FADS6: variants seen among roughly 807,000 people sequenced by gnomAD.
FADS6 encodes fatty acid desaturase 6.
A neutral mutation model predicts 31.7 loss-of-function variants in FADS6; 28 were observed. That is an observed-to-expected ratio of 0.88 (90% CI 0.66 to 1.21). The LOEUF (loss-of-function observed/expected upper bound fraction) is 1.21, where lower values mean the gene tolerates loss of function less well. Among genes scored for constraint, FADS6 ranks in the 50% most tolerant of loss-of-function variants. The pLI, the probability that FADS6 is intolerant of heterozygous loss-of-function variation, is 0.00. For synonymous variants in FADS6, 191 were observed against 213.1 expected, an observed-to-expected ratio of 0.90 and a Z score of 0.90; for missense variants, 494 against 504.2, an observed-to-expected ratio of 0.98 and a Z score of 0.19.
intron 2 of FADS6, 43 bp downstream of exon 2, chr17:74,892,480 A>G (rs763584620): frequency 4.4e-6 from 7 of 1,583,242 alleles, no homozygotes; most frequent in South Asian, 2.3e-5. Flanking sequence ...AGGCTGCCAC[A>G]CGGTCCCAGC....
At chr17:74,890,863 G>A (rs1317241155) in intron 2 of FADS6, among the ~76,000 whole-genome samples, 1 of 152,178 alleles carries the variant, frequency 6.6e-6, no homozygotes, top group Non-Finnish European at 1.5e-5. Context: ...TAGCTATGGT[G>A]TGGGTGTAAC....
At position 74,892,000 on chromosome 17, in the gene FADS6, G is replaced by A. The variant is rs538216; in HGVS notation, c.411+523C>T. Among the ~76,000 whole-genome samples the A allele has an allele frequency of 3.9e-5, 6 of 152,240 alleles. No homozygotes were observed. The South Asian group carries it at 8.3e-4, about 21-fold the overall frequency. On this transcript the variant is annotated intron_variant, in intron 2 of 5. Transcript: ENST00000612771. ...GGTCGAAACTTTTGCCTTCCTGGGC[G>A]TGCCCGAAGGTAAGAAGGCCAAGGT...
chr17:74,885,302 CAAA>C (rs1197186899), intron 2 of FADS6, among the ~76,000 whole-genome samples: 10 of 126,488 alleles, frequency 7.9e-5, no homozygotes, highest in African/African-American at 2.7e-4. Context: ...AAGAAAACCA[CAAA>C]AAAAAAAAAT....
In FADS6 at chr17:74,878,154, C is replaced by T. The variant is rs149920976; in HGVS notation, c.*177G>A. 14,948 of 1,423,004 alleles carry T rather than the reference C, an allele frequency of 0.011. 115 individuals carry two copies. The highest frequency in any genetic ancestry group is 0.012 in the Non-Finnish European group (13,262 of 1,093,598). 88.1% of individuals were successfully genotyped at this position (1,423,004 alleles called of 1,614,324 possible). On this transcript the variant is annotated 3_prime_UTR_variant, in exon 6 of 6. Coordinates refer to ENST00000612771, the MANE Select transcript of FADS6 (RefSeq NM_178128.6). ...ACACCCCTCAAAACCCAGAAAAGCA[C>T]GCAAGGCAGGTGGCCCCCAGACCCC...
At chr17:74,891,526 T>C (rs2038688894) in intron 2 of FADS6, among the ~76,000 whole-genome samples, 1 of 151,904 alleles carries the variant, frequency 6.6e-6, no homozygotes, top group South Asian at 2.1e-4. Context: ...GGACTAATGC[T>C]CAGGGCTCCG....
At chr17:74,885,657 A>T (rs1171911923) in intron 2 of FADS6, among the ~76,000 whole-genome samples, 1 of 151,790 alleles carries the variant, frequency 6.6e-6, no homozygotes, top group Non-Finnish European at 1.5e-5. Flanking sequence ...TACCACCCAG[A>T]CAACCACCAC....
downstream of FADS6, among the ~76,000 whole-genome samples, chr17:74,875,759 C>G (rs1211412709): frequency 1.3e-5 from 2 of 152,222 alleles, no homozygotes; most frequent in African/African-American, 2.4e-5. Context: ...TTCCAAGGAG[C>G]AGCAATAACA....
At chr17:74,890,829 C>T (rs1323730324) in intron 2 of FADS6, among the ~76,000 whole-genome samples, 1 of 152,112 alleles carries the variant, frequency 6.6e-6, no homozygotes, top group Non-Finnish European at 1.5e-5. Flanking sequence ...TCCTTGGCCT[C>T]CTGCATTCAT....
rs1290638079 is a variant in FADS6, at chr17:74,893,284, C to A, written c.244+68G>T. ...ACGGCTGCTGTTGCAGACCCCGCGC[C>A]GCCACCTCCGCCGCACCCCGCCCCC... is the stretch of plus-strand genomic sequence containing the variant. On this transcript the variant is annotated intron_variant, in intron 1 of 5. Coordinates refer to ENST00000612771, the MANE Select transcript of FADS6 (RefSeq NM_178128.6). 1.1e-5 allele frequency: 16 copies of A among 1,433,726 alleles called. No individual in the cohort carries two copies. In the African/African-American group the frequency reaches 2.2e-4, roughly 20 times the overall value. The allele number at this position is 1,433,726 out of a possible 1,614,324, so 88.8% of individuals were successfully genotyped here.
At chr17:74,892,764 C>T in intron 1 of FADS6, 75 bp from the exon 2 acceptor site, 1 of 1,416,438 alleles carries the variant, frequency 7.1e-7, no homozygotes, top group South Asian at 1.4e-5. Flanking sequence ...TCAACCCTTA[C>T]CCTGGGAGCC....
chr17:74,882,860 G>A (rs1316856969), intron 2 of FADS6, 150 bp from the exon 3 acceptor site: 2 of 1,507,486 alleles, frequency 1.3e-6, no homozygotes, highest in African/African-American at 1.4e-5. Context: ...AATCCGCTTT[G>A]ACCATCAACT....
At chr17:74,875,656 C>A (rs2038502833), downstream of FADS6, among the ~76,000 whole-genome samples, 2 of 152,244 alleles carry the variant, frequency 1.3e-5, no homozygotes, top group African/African-American at 4.8e-5. Context: ...GCAACTGGGG[C>A]CTTTTCTGCC....
At chr17:74,875,234 A>G (rs1045690179), downstream of FADS6, among the ~76,000 whole-genome samples, 5 of 152,242 alleles carry the variant, frequency 3.3e-5, no homozygotes, top group African/African-American at 1.2e-4. Context: ...TTTGGGGGAA[A>G]TATGAATAGT....
At position 74,877,635 on chromosome 17, in the gene FADS6, C is replaced by T. The variant is rs1023938960; in HGVS notation, c.*696G>A. ...GGCATGAGCCACCGCCCCTGGCTGG[C>T]TATTTATACTCTTTCCCTAACTCTG... On this transcript the variant is annotated 3_prime_UTR_variant, in exon 6 of 6. Transcript: ENST00000612771. 11 of 966,046 alleles carry T rather than the reference C, an allele frequency of 1.1e-5. No homozygotes were observed. Among genetic ancestry groups the T allele is most frequent in the African/African-American group, 1.8e-5 (1 of 56,730 alleles). The allele number at this position is 966,046 out of a possible 1,614,324, so 59.8% of individuals were successfully genotyped here.
rs768318272 is a variant in FADS6 at position 74,893,624 on chromosome 17, A to G, written c.-29T>C. The G allele has an allele frequency of 3.9e-6, 5 of 1,291,524 alleles. No individual in the cohort carries two copies. The East Asian group carries it at 1.2e-4, about 32-fold the overall frequency. The allele number at this position is 1,291,524 out of a possible 1,614,324, so 80.0% of individuals were successfully genotyped here. A position where few individuals can be genotyped will look rare whatever the true frequency, so the allele number is the denominator to read the frequency against. On this transcript the variant is annotated 5_prime_UTR_variant, in exon 1 of 6. Coordinates refer to ENST00000612771, the MANE Select transcript of FADS6 (RefSeq NM_178128.6). ...CTCTGTGGGCTCGGGCCCGACGCGC[A>G]CGGAGGACTGGAGGACTGGGGCGTG... is the stretch of plus-strand genomic sequence containing the variant.
chr17:74,882,753 C>T, intron 2 of FADS6, 43 bp from the exon 3 acceptor site: 2 of 1,576,718 alleles, frequency 1.3e-6, no homozygotes, highest in South Asian at 1.2e-5. Context: ...CCCTGTCAGG[C>T]ACAGTTGAGC....
chr17:74,881,225 G>T lies in FADS6; in HGVS notation c.623C>A (p.Ala208Asp), dbSNP rs1389296145. ...AGAAATCAGGGCCAGCGTCCGCAGG[G>T]CTGTCCCGAGCTCCACCTTCCTCAG... ...ERLRKVELGTALRTLALISLG... is the reference protein window; with the variant it reads ...ERLRKVELGTDLRTLALISLG... Residue 208 changes from alanine (A) to aspartate (D), a missense_variant, in exon 4 of 6, where the codon GCC becomes GAC. By Grantham distance (126) the Ala-to-Asp change is moderately radical. Coordinates refer to ENST00000612771, the MANE Select transcript of FADS6 (RefSeq NM_178128.6). 1 of 1,603,946 alleles carries T rather than the reference G, an allele frequency of 6.2e-7. No homozygotes were observed. Among genetic ancestry groups the T allele is most frequent in the Non-Finnish European group, 8.5e-7 (1 of 1,175,554 alleles).
Position 74,893,371 on chromosome 17 carries a change from G to T in FADS6, c.225C>A (p.Ser75Arg). The T allele has an allele frequency of 1.3e-6, 2 of 1,528,270 alleles. No individual in the cohort carries two copies. The highest frequency in any genetic ancestry group is 1.8e-6 in the Non-Finnish European group (2 of 1,140,928). 94.7% of individuals were successfully genotyped at this position (1,528,270 alleles called of 1,614,324 possible). The stretch of plus-strand genomic sequence containing the variant: ...CCTCACCTGCCGGCAAGGCGAAGAG[G>T]CTGAGCGCGAGGATGGCGCAGTCCA... ...HGVDCAILAL[S>R]LFALPAGFLC... The change falls in exon 1 of 6, where the codon AGC becomes AGA. Residue 75 changes from serine (S) to arginine (R), a missense_variant. Ser to Arg is a moderately radical substitution (Grantham distance 110). Around this residue, in one of 2 missense-constraint regions of FADS6, gnomAD observed 454 missense variants for 438.5 expected, o/e 1.04. Transcript: ENST00000612771.
At chr17:74,875,265 A>G (rs2038501094), downstream of FADS6, among the ~76,000 whole-genome samples, 2 of 152,222 alleles carry the variant, frequency 1.3e-5, no homozygotes, top group African/African-American at 4.8e-5. Flanking sequence ...TGTAGACATT[A>G]AAATCAGATG....
Sources: allele counts gnomAD v4.1 joint callset (sites outside exome capture counted in the v4.1 genomes callset), GRCh38; gene constraint gnomAD v4.1.1; regional missense constraint gnomAD v4.1.1; transcripts MANE v1.5; gene names NCBI Gene and HGNC (gene_info 2026-07-23, HGNC 2026-07-21).